The following AMD1 variants were observed in gnomAD, a reference collection of about 807,000 sequenced individuals.
AMD1 encodes the protein adenosylmethionine decarboxylase 1.
Under a neutral mutation model 40.2 loss-of-function variants are expected in AMD1, and 11 were observed. The observed-to-expected ratio is 0.27, with a 90% CI of 0.17 to 0.45. The LOEUF is 0.45. Among genes scored for constraint, AMD1 ranks in the 20% least tolerant of loss-of-function variants. AMD1 has a pLI of 1.00. For synonymous variants in AMD1, 121 were observed against 130.8 expected (o/e 0.93, Z 0.51); for missense variants, 257 against 410.2 (o/e 0.63, Z 3.23).
At chr6:110,880,626 G>C (rs1435862226) in intron 1 of AMD1, among the ~76,000 whole-genome samples, 2 of 149,982 alleles carry the variant, frequency 1.3e-5, no homozygotes, top group African/African-American at 4.8e-5. Flanking sequence ...GTTTTTCCCT[G>C]TTATGTAGGC....
chr6:110,866,738 A>G, the AMD1 span, among the ~76,000 whole-genome samples: 1 of 152,020 alleles, frequency 6.6e-6, no homozygotes, highest in Non-Finnish European at 1.5e-5. Flanking sequence ...GAGGGGTGTA[A>G]GTCAGAGAGA....
the AMD1 span, chr6:110,815,161 G>T: frequency 1.9e-6 from 3 of 1,564,130 alleles, no homozygotes; most frequent in East Asian, 5.2e-5. Context: ...ATAGAGGCAC[G>T]GGACGCGGGG....
chr6:110,843,631 G>C, the AMD1 span, among the ~76,000 whole-genome samples: 1 of 152,002 alleles, frequency 6.6e-6, no homozygotes, highest in East Asian at 1.9e-4. Context: ...CTATTACCCA[G>C]GCTGGAGTGC....
At chr6:110,826,271 CAAA>C in the AMD1 span, among the ~76,000 whole-genome samples, 20 of 59,358 alleles carry the variant, frequency 3.4e-4, no homozygotes, top group South Asian at 2.6e-3. Context: ...GACACCATCC[CAAA>C]AAAAAAAAAA....
chr6:110,837,869 C>G, the AMD1 span, among the ~76,000 whole-genome samples: 1 of 146,754 alleles, frequency 6.8e-6, no homozygotes, highest in African/African-American at 2.5e-5. Context: ...TCAAGACCAG[C>G]CTGACCAACA....
chr6:110,874,817 C>T lies in AMD1; in HGVS notation c.-289C>T, dbSNP rs537747722. The T allele has an allele frequency of 9.4e-6, 3 of 320,292 alleles. No homozygotes were observed. Among genetic ancestry groups the T allele is most frequent in the African/African-American group, 2.2e-5 (1 of 46,220 alleles). The allele number at this position is 320,292 out of a possible 1,614,324, so 19.8% of individuals were successfully genotyped here. On this transcript the variant is annotated 5_prime_UTR_variant, in exon 1 of 9. Transcript: ENST00000368885. ...CAGTATGGCCGGCGACATTAGCTAGCGCTCGCTCTACTCTCTCTAACGGGA... is the reference window on the plus strand; with the variant it reads ...CAGTATGGCCGGCGACATTAGCTAGTGCTCGCTCTACTCTCTCTAACGGGA...
the AMD1 span, chr6:110,863,960 C>T: frequency 2.1e-6 from 1 of 468,236 alleles, no homozygotes; most frequent in Non-Finnish European, 4.1e-6. Flanking sequence ...CCAGTTACCA[C>T]TAATCTTTTT....
the AMD1 span, chr6:110,858,958 C>T: frequency 1.0e-5 from 11 of 1,078,576 alleles, no homozygotes; most frequent in Non-Finnish European, 1.6e-5. Context: ...GACAACTCCT[C>T]CATGTCGCTG....
At chr6:110,867,304 G>A in the AMD1 span, among the ~76,000 whole-genome samples, 5 of 151,984 alleles carry the variant, frequency 3.3e-5, no homozygotes, top group African/African-American at 7.3e-5. Flanking sequence ...ATGAGCCACT[G>A]TGCTAGCCCA....
intron 4 of AMD1, chr6:110,890,682 T>G: frequency 1.2e-5 from 2 of 170,562 alleles, no homozygotes; most frequent in Non-Finnish European, 2.5e-5. Flanking sequence ...AAAGACAAGG[T>G]TTTGCCATAT....
chr6:110,818,293 A>G, the AMD1 span, among the ~76,000 whole-genome samples: 1 of 152,120 alleles, frequency 6.6e-6, no homozygotes, highest in African/African-American at 2.4e-5. Context: ...TAAAGGCAAA[A>G]AAAGGGGGAT....
At chr6:110,836,208 A>T in the AMD1 span, among the ~76,000 whole-genome samples, 1 of 152,116 alleles carries the variant, frequency 6.6e-6, no homozygotes, top group South Asian at 2.1e-4. Flanking sequence ...TAAGAAAGTA[A>T]TTAGACAAGT....
the AMD1 span, chr6:110,815,438 G>A: frequency 5.1e-5 from 13 of 256,260 alleles, no homozygotes; most frequent in African/African-American, 1.1e-4. Flanking sequence ...GGGCCGCGCC[G>A]TGGCTTCCTC....
the AMD1 span, among the ~76,000 whole-genome samples, chr6:110,853,422 C>T: frequency 1.3e-5 from 2 of 152,040 alleles, no homozygotes; most frequent in South Asian, 4.1e-4. Context: ...ACCCTCCTGC[C>T]TCAGCCTCCT....
intron 4 of AMD1, 65 bp from the exon 5 acceptor site, chr6:110,892,096 G>C (rs1786054094): frequency 6.5e-7 from 1 of 1,531,794 alleles, no homozygotes; most frequent in Non-Finnish European, 9.0e-7. Flanking sequence ...TTGTGGAAGG[G>C]TAGTAACAAA....
At chr6:110,821,456 A>T in the AMD1 span, among the ~76,000 whole-genome samples, 5 of 152,080 alleles carry the variant, frequency 3.3e-5, no homozygotes, top group Admixed American at 2.0e-4. Flanking sequence ...TCTACTAAAA[A>T]CACAAAAATT....
the AMD1 span, among the ~76,000 whole-genome samples, chr6:110,860,824 AACACCCACCC>A: frequency 0.03 from 4,036 of 133,496 alleles, 63 homozygotes; most frequent in African/African-American, 0.036. Flanking sequence ...AACAAAACAA[AACACCCACCC>A]ACACACACAC....
chr6:110,868,418 G>T, the AMD1 span, among the ~76,000 whole-genome samples: 1 of 151,960 alleles, frequency 6.6e-6, no homozygotes, highest in Non-Finnish European at 1.5e-5. Context: ...AAACGTGCTG[G>T]GATTACAGGC....
chr6:110,864,772 C>A, the AMD1 span, among the ~76,000 whole-genome samples: 2 of 152,214 alleles, frequency 1.3e-5, no homozygotes, highest in East Asian at 1.9e-4. Flanking sequence ...ACTAGCATCA[C>A]CCCTAGACAC....
Sources: allele counts gnomAD v4.1 joint callset (sites outside exome capture counted in the v4.1 genomes callset), GRCh38; gene constraint gnomAD v4.1.1; transcripts MANE v1.5; gene names NCBI Gene and HGNC (gene_info 2026-07-23, HGNC 2026-07-21).